ALG6: variants seen among roughly 807,000 people sequenced by gnomAD.
ALG6 encodes the protein ALG6 alpha-1,3-glucosyltransferase, also known as dolichyl pyrophosphate Man9GlcNAc2 alpha-1,3-glucosyltransferase.
In ALG6, 46 loss-of-function variants were observed where a neutral mutation model predicts 66.6. The observed-to-expected ratio is 0.69, with a 90% CI of 0.55 to 0.88. ALG6 has a LOEUF of 0.88. Ranked by LOEUF, ALG6 falls within the 40% of genes least tolerant of loss-of-function variation. The probability of loss-of-function intolerance (pLI) is 0.00; values close to 1 mark genes in which losing one functional copy is unlikely to be tolerated. For synonymous variants in ALG6, 185 were observed against 203.7 expected (o/e 0.91, Z 0.78); for missense variants, 505 against 586.8 (o/e 0.86, Z 1.44).
rs1256761687 is a variant in ALG6 at position 63,367,632 on chromosome 1, T to G, written c.-263T>G. 6.6e-6 allele frequency: 1 copy of G among 152,292 alleles called. No homozygotes were observed. Among genetic ancestry groups the G allele is most frequent in the African/African-American group, 2.4e-5 (1 of 41,460 alleles). 9.4% of individuals were successfully genotyped at this position (152,292 alleles called of 1,614,324 possible). A position where few individuals can be genotyped will look rare whatever the true frequency, so the allele number is the denominator to read the frequency against. On this transcript the variant is annotated 5_prime_UTR_variant, in exon 1 of 15. The change abolishes an upstream ATG in the 5' untranslated region. Transcript: ENST00000263440. ...AGTCCGCCGCGGGGGCGAGCGCGCA[T>G]GCGCCTTCCTGGGACCCACGGCAGG...
chr1:63,422,444 AATAT>A (rs1305196802), intron 12 of ALG6, among the ~76,000 whole-genome samples: 1 of 118,462 alleles, frequency 8.4e-6, no homozygotes, highest in South Asian at 2.3e-4. Flanking sequence ...TATATATATA[AATAT>A]ATATATAAAT....
chr1:63,398,537 A>G (rs1050076690), intron 3 of ALG6, among the ~76,000 whole-genome samples: 1 of 152,142 alleles, frequency 6.6e-6, no homozygotes, highest in Non-Finnish European at 1.5e-5. Context: ...CAGTGGCTCG[A>G]TCTCGGCTCA....
chr1:63,381,872 T>C (rs546357407), intron 2 of ALG6, among the ~76,000 whole-genome samples: 3 of 152,330 alleles, frequency 2.0e-5, no homozygotes, highest in South Asian at 2.1e-4. Flanking sequence ...TTGTATTGTT[T>C]TGTTTTTAAG....
At chr1:63,385,205 T>C (rs112032587) in intron 2 of ALG6, among the ~76,000 whole-genome samples, 13,573 of 94,180 alleles carry the variant, frequency 0.14, 1,114 homozygotes, top group South Asian at 0.16. Context: ...TTTTTTTTTT[T>C]TTTTTTTTTT....
chr1:63,409,064 G>A (rs780023070), intron 7 of ALG6, among the ~76,000 whole-genome samples: 3 of 152,202 alleles, frequency 2.0e-5, no homozygotes, highest in Non-Finnish European at 4.4e-5. Context: ...ATAGGTGTGA[G>A]CCACTGTGCC....
chr1:63,416,033 A>G lies in ALG6; in HGVS notation c.987+76A>G. 2.8e-6 allele frequency: 3 copies of G among 1,073,670 alleles called. No individual in the cohort carries two copies. In the Admixed American group the frequency reaches 5.5e-5, roughly 20 times the overall value. The allele number at this position is 1,073,670 out of a possible 1,614,324, so 66.5% of individuals were successfully genotyped here. A position where few individuals can be genotyped will look rare whatever the true frequency, so the allele number is the denominator to read the frequency against. On this transcript the variant is annotated intron_variant, in intron 11 of 14. Coordinates refer to ENST00000263440, the MANE Select transcript of ALG6 (RefSeq NM_013339.4). ...TAAAAATTATTTTCATGGTCTGCAC[A>G]GGATTTATTGGGTTGGGAAACAAGA...
At chr1:63,369,418 C>T (rs1271550231) in intron 1 of ALG6, among the ~76,000 whole-genome samples, 3 of 152,106 alleles carry the variant, frequency 2.0e-5, no homozygotes, top group African/African-American at 7.2e-5. Context: ...CACCTGAGGT[C>T]AGGAGTTCAA....
In ALG6 at chr1:63,370,765, C is replaced by T; in HGVS notation, c.-207-6C>T. The T allele has an allele frequency of 1.2e-5, 7 of 576,448 alleles. No individual in the cohort carries two copies. The highest frequency in any genetic ancestry group is 1.5e-5 in the Non-Finnish European group (5 of 323,326). The allele number at this position is 576,448 out of a possible 1,614,324, so 35.7% of individuals were successfully genotyped here. On this transcript the variant is annotated splice_region_variant and splice_polypyrimidine_tract_variant and intron_variant, in intron 1 of 14. Transcript: ENST00000263440. ...TGAATCTTGATATCTTTTTTTTTCC[C>T]CTTAGGATACTTCTACATAGACATA...
intron 7 of ALG6, among the ~76,000 whole-genome samples, chr1:63,410,129 G>T (rs1471105702): frequency 1.3e-5 from 2 of 152,060 alleles, no homozygotes; most frequent in African/African-American, 4.8e-5. Flanking sequence ...TCTCCTCTAT[G>T]TATATACTCT....
chr1:63,403,092 CT>C (rs1313933501), intron 4 of ALG6, among the ~76,000 whole-genome samples: 1 of 54,510 alleles, frequency 1.8e-5, no homozygotes, highest in African/African-American at 9.8e-5. Context: ...GAGACTCCAT[CT>C]CAAAAAAAAA....
intron 2 of ALG6, among the ~76,000 whole-genome samples, chr1:63,396,079 G>C (rs937883239): frequency 6.6e-6 from 1 of 152,126 alleles, no homozygotes; most frequent in East Asian, 1.9e-4. Flanking sequence ...TTTTATATAA[G>C]GGATGAGCAT....
At chr1:63,380,123 A>T (rs1264658337) in intron 2 of ALG6, among the ~76,000 whole-genome samples, 3 of 152,212 alleles carry the variant, frequency 2.0e-5, no homozygotes, top group Non-Finnish European at 2.9e-5. Flanking sequence ...TAGGCTTAGC[A>T]TCTGGAGAGT....
chr1:63,387,837 C>T (rs956831732), intron 2 of ALG6, among the ~76,000 whole-genome samples: 7 of 151,822 alleles, frequency 4.6e-5, no homozygotes, highest in African/African-American at 1.7e-4. Flanking sequence ...CCACCGTGCC[C>T]AGCTTCTTTG....
At chr1:63,422,059 C>T (rs1304258480) in intron 12 of ALG6, among the ~76,000 whole-genome samples, 2 of 126,112 alleles carry the variant, frequency 1.6e-5, no homozygotes, top group African/African-American at 5.9e-5. Context: ...ATATAAATAT[C>T]TATTTATATA....
At chr1:63,373,547 A>G (rs1648007131) in intron 2 of ALG6, among the ~76,000 whole-genome samples, 1 of 151,394 alleles carries the variant, frequency 6.6e-6, no homozygotes, top group Admixed American at 6.6e-5. Flanking sequence ...GTGAGCCAAG[A>G]TCATCCCATT....
At chr1:63,406,258 AATGG>A in intron 5 of ALG6, 55 bp from the exon 6 acceptor site, 1 of 1,443,708 alleles carries the variant, frequency 6.9e-7, no homozygotes, top group Non-Finnish European at 9.7e-7. Context: ...GGAGGCAGTT[AATGG>A]GTAGCTGTAA....
In ALG6 at chr1:63,433,592, C is replaced by A. The variant is rs1043000283; in HGVS notation, c.1327-3231C>A. Among the ~76,000 whole-genome samples, 1 of 152,144 alleles carries A rather than the reference C, an allele frequency of 6.6e-6. No individual in the cohort carries two copies. Among genetic ancestry groups the A allele is most frequent in the East Asian group, 1.9e-4 (1 of 5,196 alleles). Reference sequence around the variant, plus strand: ...TTTTTTGTTAGTATAGGCCCAGATTCCTGAGTGTATGTCAAAATCTAGCCC... The same window carrying A: ...TTTTTTGTTAGTATAGGCCCAGATTACTGAGTGTATGTCAAAATCTAGCCC... On this transcript the variant is annotated intron_variant, in intron 14 of 14. Coordinates refer to ENST00000263440, the MANE Select transcript of ALG6 (RefSeq NM_013339.4). The surrounding 1 kb of genome is among the most constrained non-coding windows in gnomAD (Gnocchi z 4.2).
intron 3 of ALG6, among the ~76,000 whole-genome samples, chr1:63,397,647 C>T (rs1644411465): frequency 6.6e-6 from 1 of 152,162 alleles, no homozygotes; most frequent in Non-Finnish European, 1.5e-5. Context: ...ATTATTATTG[C>T]TCTCTATCAT....
chr1:63,408,699 A>T (rs1342310501), intron 7 of ALG6, among the ~76,000 whole-genome samples: 1 of 152,192 alleles, frequency 6.6e-6, no homozygotes, highest in East Asian at 1.9e-4. Context: ...CATTCTGGAA[A>T]ATTTGTAGTA....
Sources: gnomAD v4.1 joint callset for allele counts (sites outside exome capture counted in the v4.1 genomes callset) on GRCh38, gnomAD v4.1.1 for gene constraint, Gnocchi (gnomAD v3.1) non-coding constraint, MANE v1.5 for transcripts, NCBI Gene and HGNC (gene_info 2026-07-23, HGNC 2026-07-21) for gene names.